The following HIPK2 variants were observed in gnomAD, a reference collection of about 807,000 sequenced individuals.
HIPK2 encodes the protein homeodomain interacting protein kinase 2.
In HIPK2, 27 loss-of-function variants were observed where a neutral mutation model predicts 113.7. The ratio of observed to expected loss-of-function variants is 0.24; its 90% CI spans 0.17 to 0.33. HIPK2 has a LOEUF of 0.33. Ranked by LOEUF, HIPK2 falls within the 10% of genes least tolerant of loss-of-function variation. The pLI, the probability that HIPK2 is intolerant of heterozygous loss-of-function variation, is 1.00. For synonymous variants in HIPK2, 631 were observed against 642.2 expected (o/e 0.98, Z 0.26); for missense variants, 1,257 against 1,588.0 (o/e 0.79, Z 3.54).
At chr7:139,646,347 A>C (rs1367138427) in intron 2 of HIPK2, among the ~76,000 whole-genome samples, 1 of 152,020 alleles carries the variant, frequency 6.6e-6, no homozygotes, top group African/African-American at 2.4e-5. Context: ...AATTTTTTAA[A>C]AAATTAGCCA....
At chr7:139,595,959 A>T (rs1799199395) in intron 12 of HIPK2, among the ~76,000 whole-genome samples, 1 of 152,162 alleles carries the variant, frequency 6.6e-6, no homozygotes, top group Non-Finnish European at 1.5e-5. Flanking sequence ...CAAAGGAGCC[A>T]GCAGGGTGGG....
chr7:139,597,005 T>C lies in HIPK2; in HGVS notation c.2436-7A>G. The C allele has an allele frequency of 6.3e-7, 1 of 1,585,026 alleles. No individual in the cohort carries two copies. The highest frequency in any genetic ancestry group is 8.6e-7 in the Non-Finnish European group (1 of 1,158,220). On this transcript the variant is annotated splice_region_variant and splice_polypyrimidine_tract_variant and intron_variant, in intron 11 of 14. Coordinates refer to ENST00000406875, the MANE Select transcript of HIPK2 (RefSeq NM_022740.5). Reference sequence around the variant, plus strand: ...CTCACAGGTGGAGACATTTCTGTAATGAGAAAACCACACTCTCACACAGAG... The same window carrying C: ...CTCACAGGTGGAGACATTTCTGTAACGAGAAAACCACACTCTCACACAGAG...
Position 139,620,509 on chromosome 7 carries a change from A to G in HIPK2, c.1674T>C (p.Tyr558=), listed in dbSNP as rs1800198392. 4 of 1,614,052 alleles carry G rather than the reference A, an allele frequency of 2.5e-6. No homozygotes were observed. Among genetic ancestry groups the G allele is most frequent in the Non-Finnish European group, 3.4e-6 (4 of 1,180,036 alleles). The stretch of plus-strand genomic sequence containing the variant: ...GGGTTTTGCTCTGGTTCACCGTGTC[A>G]TACATATTCACCCGACGCTTGCAGA... ...MEICKRRVNM[Y]DTVNQSKTPF... Residue 558 remains tyrosine, a synonymous_variant, in exon 7 of 15, where the codon TAT becomes TAC. Coordinates refer to ENST00000406875, the MANE Select transcript of HIPK2 (RefSeq NM_022740.5).
At chr7:139,687,409 C>G (rs1471338594) in intron 2 of HIPK2, among the ~76,000 whole-genome samples, 1 of 152,180 alleles carries the variant, frequency 6.6e-6, no homozygotes, top group African/African-American at 2.4e-5. Context: ...GCAATATTCA[C>G]TTTATTGAGG....
chr7:139,756,398 A>G (rs1796363421), intron 1 of HIPK2, among the ~76,000 whole-genome samples: 1 of 152,160 alleles, frequency 6.6e-6, no homozygotes, highest in South Asian at 2.1e-4. Flanking sequence ...TTTAAAAATT[A>G]CTAGACTTTA....
chr7:139,574,876 A>T (rs2116476089), intron 14 of HIPK2, among the ~76,000 whole-genome samples: 1 of 152,324 alleles, frequency 6.6e-6, no homozygotes. Flanking sequence ...CCATGTCACT[A>T]AGGGCTTTGT....
intron 7 of HIPK2, among the ~76,000 whole-genome samples, chr7:139,617,243 A>G (rs75761743): frequency 0.016 from 2,467 of 152,324 alleles, 69 homozygotes; most frequent in African/African-American, 0.055. Context: ...CAAGTTAAAA[A>G]AAATCAGAGA....
chr7:139,723,202 T>G (rs921593138), intron 1 of HIPK2, among the ~76,000 whole-genome samples: 1 of 151,076 alleles, frequency 6.6e-6, no homozygotes, highest in African/African-American at 2.4e-5. Context: ...TTCTTTTTTT[T>G]TTTTTTTTGA....
At chr7:139,659,429 T>C (rs1332833942) in intron 2 of HIPK2, among the ~76,000 whole-genome samples, 1 of 143,392 alleles carries the variant, frequency 7.0e-6, no homozygotes, top group African/African-American at 2.7e-5. Flanking sequence ...GTAGGTTCCC[T>C]GGCCCTGAGC....
At chr7:139,591,940 C>G (rs1291951609) in intron 12 of HIPK2, among the ~76,000 whole-genome samples, 1 of 152,236 alleles carries the variant, frequency 6.6e-6, no homozygotes, top group Non-Finnish European at 1.5e-5. Context: ...GGAGGCTAAT[C>G]CCACTTTGGG....
chr7:139,605,974 A>G (rs189707347), intron 9 of HIPK2, among the ~76,000 whole-genome samples: 132 of 152,364 alleles, frequency 8.7e-4, no homozygotes, highest in Non-Finnish European at 1.6e-3. Context: ...AGAGCTCATG[A>G]AAAGCATTAG....
In HIPK2 at chr7:139,573,042, C is replaced by G; in HGVS notation, c.3482G>C (p.Ser1161Thr). The G allele has an allele frequency of 6.2e-7, 1 of 1,612,492 alleles. No individual in the cohort carries two copies. Among genetic ancestry groups the G allele is most frequent in the Non-Finnish European group, 8.5e-7 (1 of 1,179,394 alleles). The change falls in exon 15 of 15, where the codon AGT becomes ACT. Residue 1161 changes from serine to threonine, a missense_variant. Coordinates refer to ENST00000406875, the MANE Select transcript of HIPK2 (RefSeq NM_022740.5). ...GTGGGCAAATTGGGCTGGATACTGA[C>G]TCGGGTGGATGGTGGGCGAGGGCAG... The part of the protein sequence containing the change: ...RVLPSPTIHP[S>T]QYPAQFAHQT...
chr7:139,774,875 C>T (rs1402425293), intron 1 of HIPK2, among the ~76,000 whole-genome samples: 1 of 152,178 alleles, frequency 6.6e-6, no homozygotes, highest in Non-Finnish European at 1.5e-5. Flanking sequence ...TTCCAAACCA[C>T]CAAAAACTAA....
At chr7:139,680,153 C>G (rs773418173) in intron 2 of HIPK2, among the ~76,000 whole-genome samples, 1 of 152,192 alleles carries the variant, frequency 6.6e-6, no homozygotes, top group Non-Finnish European at 1.5e-5. Context: ...AGCATAAGTT[C>G]AGCATTTTCA....
chr7:139,768,698 A>T (rs1304734105), intron 1 of HIPK2, among the ~76,000 whole-genome samples: 1 of 152,202 alleles, frequency 6.6e-6, no homozygotes. Flanking sequence ...CAAGGGGACC[A>T]CGAGAACCAG....
chr7:139,576,448 C>T (rs567000117), intron 13 of HIPK2, among the ~76,000 whole-genome samples: 8 of 152,144 alleles, frequency 5.3e-5, no homozygotes, highest in Non-Finnish European at 1.0e-4. Context: ...GCTTGGGGGA[C>T]CACGCTCTGA....
intron 2 of HIPK2, among the ~76,000 whole-genome samples, chr7:139,665,117 A>G (rs1001484193): frequency 6.6e-6 from 1 of 150,522 alleles, no homozygotes; most frequent in Non-Finnish European, 1.5e-5. Context: ...GGCTCCCTGC[A>G]GCCTAGACCT....
At chr7:139,581,268 C>A (rs1798659564) in intron 13 of HIPK2, among the ~76,000 whole-genome samples, 1 of 152,094 alleles carries the variant, frequency 6.6e-6, no homozygotes, top group African/African-American at 2.4e-5. Flanking sequence ...ACAATCAATT[C>A]TGGTCTCCTG....
chr7:139,622,670 C>T (rs1305754856), intron 6 of HIPK2, among the ~76,000 whole-genome samples: 3 of 152,146 alleles, frequency 2.0e-5, no homozygotes, highest in African/African-American at 7.2e-5. Flanking sequence ...AGGGCAGGGG[C>T]GCTACAGCTG....
Sources: gnomAD v4.1 joint callset for allele counts (sites outside exome capture counted in the v4.1 genomes callset) on GRCh38, gnomAD v4.1.1 for gene constraint, MANE v1.5 for transcripts, NCBI Gene and HGNC (gene_info 2026-07-23, HGNC 2026-07-21) for gene names.